MMP2: variants seen among roughly 807,000 people sequenced by gnomAD.
The protein encoded by MMP2 is 72 kDa type IV collagenase.
A neutral mutation model predicts 74.8 loss-of-function variants in MMP2; 39 were observed. That is an observed-to-expected ratio of 0.52 (90% CI 0.40 to 0.68). The LOEUF is 0.68. Ranked by LOEUF, MMP2 falls within the 30% of genes least tolerant of loss-of-function variation. MMP2 has a pLI of 0.00. For synonymous variants in MMP2, 367 were observed against 339.8 expected (o/e 1.08, Z -0.88); for missense variants, 803 against 878.3 (o/e 0.91, Z 1.08).
intron 9 of MMP2, among the ~76,000 whole-genome samples, chr16:55,494,552 G>A (rs1028991147): frequency 6.6e-6 from 1 of 152,164 alleles, no homozygotes; most frequent in African/African-American, 2.4e-5. Flanking sequence ...AAAGACAGGC[G>A]CATGGGCCTC....
chr16:55,504,949 G>A (rs150491797), intron 12 of MMP2, among the ~76,000 whole-genome samples: 1,504 of 139,442 alleles, frequency 0.011, 23 homozygotes, highest in African/African-American at 0.025. Flanking sequence ...ACCGCGCCCC[G>A]CCACAGTTGA....
chr16:55,488,408 C>T (rs2142353199), intron 5 of MMP2, 135 bp from the exon 6 acceptor site: 2 of 893,112 alleles, frequency 2.2e-6, no homozygotes, highest in African/African-American at 1.6e-5. Flanking sequence ...CCTTACCAAC[C>T]AGTAGAGATG....
chr16:55,491,367 C>T (rs1335582223), intron 7 of MMP2, among the ~76,000 whole-genome samples: 2 of 152,098 alleles, frequency 1.3e-5, no homozygotes, highest in Admixed American at 6.5e-5. Context: ...ATGGTGGCAA[C>T]ATGGGGCCAG....
chr16:55,498,506 C>T (rs1254885327), intron 11 of MMP2, 58 bp downstream of exon 11: 11 of 1,611,638 alleles, frequency 6.8e-6, no homozygotes, highest in South Asian at 2.2e-5. Context: ...ACAGAGAAGC[C>T]GCCCTGAGGC....
rs753456897 is a variant in MMP2, at chr16:55,498,419, A to G, written c.1740A>G (p.Thr580=). Reference sequence around the variant, plus strand: ...TTAACTGGAGCAAAAACAAGAAGACATACATCTTTGCTGGAGACAAATTCT... The same window carrying G: ...TTAACTGGAGCAAAAACAAGAAGACGTACATCTTTGCTGGAGACAAATTCT... The part of the protein sequence containing the change: ...AAFNWSKNKK[T]YIFAGDKFWR... The change falls in exon 11 of 13, where the codon ACA becomes ACG. Residue 580 remains threonine, a synonymous_variant. Coordinates refer to ENST00000219070, the MANE Select transcript of MMP2 (RefSeq NM_004530.6). 2.5e-6 allele frequency: 4 copies of G among 1,614,206 alleles called. No individual in the cohort carries two copies. In the South Asian group the frequency reaches 3.3e-5, roughly 13 times the overall value.
chr16:55,490,146 C>T (rs776928258), intron 7 of MMP2, among the ~76,000 whole-genome samples: 5 of 152,220 alleles, frequency 3.3e-5, no homozygotes, highest in Non-Finnish European at 5.9e-5. Flanking sequence ...AGCCACCCTC[C>T]AGGCGGGCTT....
chr16:55,500,288 T>C (rs1962633912), intron 11 of MMP2, among the ~76,000 whole-genome samples: 1 of 151,254 alleles, frequency 6.6e-6, no homozygotes, highest in Admixed American at 6.6e-5. Context: ...GTAGGAGCCC[T>C]GAATCTCCAA....
rs1043868041 is a variant in MMP2, at chr16:55,497,775, A to T, written c.1610-514A>T. 3.3e-5 allele frequency among the ~76,000 whole-genome samples: 5 copies of T among 152,278 alleles called. No homozygotes were observed. In the East Asian group the frequency reaches 9.7e-4, roughly 29 times the overall value. Reference sequence around the variant, plus strand: ...TGGGGATACAAGCTCTGCCTTCGCGATGCTCACAAACCACTCAGGGAGACA... The same window carrying T: ...TGGGGATACAAGCTCTGCCTTCGCGTTGCTCACAAACCACTCAGGGAGACA... On this transcript the variant is annotated intron_variant, in intron 10 of 12. Transcript: ENST00000219070.
At position 55,500,521 on chromosome 16, in the gene MMP2, A is replaced by ACACACACACACACACACACACACG. The variant is rs1308502075; in HGVS notation, c.1769+2091_1769+2092insCACACGCACACACACACACACACA. ...CACACACACACACACACACACACAC[A>ACACACACACACACACACACACACG]CACACACACACACACACAGGCATGG... On this transcript the variant is annotated intron_variant, in intron 11 of 12. Transcript: ENST00000219070. 2.1e-3 allele frequency among the ~76,000 whole-genome samples: 321 copies of ACACACACACACACACACACACACG among 151,826 alleles called. 1 individual carries two copies. Among genetic ancestry groups the ACACACACACACACACACACACACG allele is most frequent in the African/African-American group, 7.1e-3 (294 of 41,324 alleles).
chr16:55,490,945 C>T (rs1962388556), intron 7 of MMP2, among the ~76,000 whole-genome samples: 1 of 152,122 alleles, frequency 6.6e-6, no homozygotes, highest in South Asian at 2.1e-4. Context: ...TTTCATGCTT[C>T]TGGAGGCTGG....
In MMP2 at chr16:55,497,022, A is replaced by G. The variant is rs115179673; in HGVS notation, c.1569A>G (p.Val523=). 2.0e-4 allele frequency: 325 copies of G among 1,614,176 alleles called. No individual in the cohort carries two copies. The African/African-American group carries it at 3.8e-3, about 19-fold the overall frequency. ...WPELPEKIDA[V]YEAPQEEKAV... ...AGCTCCCGGAAAAGATTGATGCGGT[A>G]TACGAGGCCCCACAGGAGGAGAAGG... is the stretch of plus-strand genomic sequence containing the variant. Residue 523 remains valine, a synonymous_variant, in exon 10 of 13, where the codon GTA becomes GTG. Transcript: ENST00000219070.
intron 5 of MMP2, 151 bp downstream of exon 5, chr16:55,485,928 C>A (rs558540954): frequency 3.3e-5 from 25 of 763,154 alleles, no homozygotes; most frequent in East Asian, 5.2e-5. Context: ...AGTTCCCCCC[C>A]ATCCTGATCT....
At chr16:55,499,679 T>G (rs1476356601) in intron 11 of MMP2, among the ~76,000 whole-genome samples, 1 of 151,884 alleles carries the variant, frequency 6.6e-6, no homozygotes, top group Non-Finnish European at 1.5e-5. Flanking sequence ...GAAACGGAGG[T>G]CCAAAGAAAT....
In MMP2 at chr16:55,491,984, G is replaced by A. The variant is rs774509901; in HGVS notation, c.1336+28G>A. The A allele has an allele frequency of 6.0e-6, 9 of 1,489,524 alleles. No homozygotes were observed. The Admixed American group carries it at 6.9e-5, about 11-fold the overall frequency. 92.3% of individuals were successfully genotyped at this position (1,489,524 alleles called of 1,614,324 possible). On this transcript the variant is annotated intron_variant, in intron 8 of 12. Transcript: ENST00000219070. ...AAACCTCCGGGCGGGGGTTGGGGGT[G>A]GAGGGTGAGGAGGGGGGAGGTCATG...
intron 5 of MMP2, chr16:55,488,235 G>A: frequency 2.2e-6 from 1 of 447,190 alleles, no homozygotes; most frequent in Admixed American, 3.5e-5. Context: ...GTGTGGACCA[G>A]GCAGAATGGA....
chr16:55,498,329 A>C lies in MMP2; in HGVS notation c.1650A>C (p.Arg550=). The C allele has an allele frequency of 1.2e-6, 2 of 1,614,244 alleles. No homozygotes were observed. Among genetic ancestry groups the C allele is most frequent in the South Asian group, 1.1e-5 (1 of 91,088 alleles). The change falls in exon 11 of 13, where the codon CGA becomes CGC. Residue 550 remains arginine (R), a synonymous_variant. Coordinates refer to ENST00000219070, the MANE Select transcript of MMP2 (RefSeq NM_004530.6). ...TCTACTCAGCCAGCACCCTGGAGCG[A>C]GGGTACCCCAAGCCACTGACCAGCC... is the stretch of plus-strand genomic sequence containing the variant. ...YWIYSASTLE[R]GYPKPLTSLG...
At chr16:55,505,310 G>A (rs1451649255) in intron 12 of MMP2, 29 bp from the exon 13 acceptor site, 1 of 1,569,864 alleles carries the variant, frequency 6.4e-7, no homozygotes, top group South Asian at 1.1e-5. Context: ...AGGATAAGGG[G>A]GTCACGGTCT....
chr16:55,495,623 A>G (rs1368350572), intron 9 of MMP2, among the ~76,000 whole-genome samples: 2 of 152,228 alleles, frequency 1.3e-5, no homozygotes, highest in African/African-American at 4.8e-5. Context: ...TTCATTTGCT[A>G]AATAAAAATT....
At chr16:55,505,135 G>A (rs919927040) in intron 12 of MMP2, among the ~76,000 whole-genome samples, 17 of 151,818 alleles carry the variant, frequency 1.1e-4, no homozygotes, top group Non-Finnish European at 2.5e-4. Flanking sequence ...TATGTTTTTC[G>A]TAGAAATGGG....
Sources: allele counts gnomAD v4.1 joint callset (sites outside exome capture counted in the v4.1 genomes callset), GRCh38; gene constraint gnomAD v4.1.1; transcripts MANE v1.5; gene names NCBI Gene and HGNC (gene_info 2026-07-23, HGNC 2026-07-21).